The following NPAS3 variants were observed in gnomAD, a reference collection of about 807,000 sequenced individuals.
NPAS3 encodes the protein neuronal PAS domain protein 3, also known as neuronal PAS domain-containing protein 3.
NPAS3 carries 14 observed loss-of-function variants against 73.1 expected under a neutral mutation model. The observed-to-expected ratio is 0.19, with a 90% CI of 0.13 to 0.30. The LOEUF (loss-of-function observed/expected upper bound fraction) is 0.30, where lower values mean the gene tolerates loss of function less well. NPAS3 is among the 10% of genes least tolerant of loss of function. NPAS3 has a pLI of 1.00. For missense variants in NPAS3, 1,096 were observed against 1,250.0 expected (o/e 0.88, Z 1.86); for synonymous variants, 620 against 541.5 (o/e 1.14, Z -2.01).
chr14:33,204,083 A>G (rs886295885), intron 2 of NPAS3, among the ~76,000 whole-genome samples: 2 of 151,940 alleles, frequency 1.3e-5, no homozygotes, highest in Non-Finnish European at 2.9e-5. Flanking sequence ...GATGATGAGC[A>G]TTTTTTCATG....
At chr14:33,497,868 C>G (rs2139876921) in intron 4 of NPAS3, among the ~76,000 whole-genome samples, 1 of 146,548 alleles carries the variant, frequency 6.8e-6, no homozygotes, top group East Asian at 2.1e-4. Flanking sequence ...AACTAAAGAG[C>G]TCTACACAGC....
intron 4 of NPAS3, among the ~76,000 whole-genome samples, chr14:33,513,391 T>G (rs779695822): frequency 1.4e-4 from 22 of 152,066 alleles, no homozygotes; most frequent in Non-Finnish European, 2.5e-4. Context: ...ATAAAAGTGA[T>G]GATTTATTAA....
chr14:33,055,001 A>T (rs531682781), intron 1 of NPAS3, among the ~76,000 whole-genome samples: 27 of 152,328 alleles, frequency 1.8e-4, no homozygotes, highest in African/African-American at 6.3e-4. Flanking sequence ...CTTAGGGATT[A>T]GACATTATAC....
chr14:33,728,011 C>T (rs1595511537), intron 6 of NPAS3, among the ~76,000 whole-genome samples: 1 of 152,186 alleles, frequency 6.6e-6, no homozygotes, highest in African/African-American at 2.4e-5. Context: ...TGAACTTTCC[C>T]GTTGCTTAGT....
At chr14:33,175,425 G>T (rs931477534) in intron 2 of NPAS3, among the ~76,000 whole-genome samples, 2 of 152,044 alleles carry the variant, frequency 1.3e-5, no homozygotes, top group East Asian at 3.9e-4. Flanking sequence ...TTTGTGCAGA[G>T]AATTTTTTTA....
intron 3 of NPAS3, among the ~76,000 whole-genome samples, chr14:33,305,561 T>C (rs2042721430): frequency 6.6e-6 from 1 of 152,134 alleles, no homozygotes; most frequent in Non-Finnish European, 1.5e-5. Context: ...ACAAATCAAG[T>C]AAGTATTTTC....
chr14:33,264,985 A>G (rs1408403285), intron 3 of NPAS3, among the ~76,000 whole-genome samples: 2 of 152,212 alleles, frequency 1.3e-5, no homozygotes, highest in Non-Finnish European at 2.9e-5. Flanking sequence ...TTGAGGTAAT[A>G]TGGAAAAGAG....
intron 5 of NPAS3, among the ~76,000 whole-genome samples, chr14:33,655,465 G>C (rs1045580944): frequency 6.6e-6 from 1 of 151,502 alleles, no homozygotes; most frequent in Non-Finnish European, 1.5e-5. Context: ...CTGGCAGAAG[G>C]CAATTCATAT....
At chr14:33,572,618 G>T in intron 5 of NPAS3, among the ~76,000 whole-genome samples, 1 of 152,278 alleles carries the variant, frequency 6.6e-6, no homozygotes, top group Non-Finnish European at 1.5e-5. Context: ...TGTTAACCAG[G>T]AACGCTAGTT....
intron 4 of NPAS3, among the ~76,000 whole-genome samples, chr14:33,380,956 G>A (rs1370883410): frequency 6.6e-6 from 1 of 151,860 alleles, no homozygotes; most frequent in Admixed American, 6.6e-5. Context: ...ATCTGGTATA[G>A]AGATTAGACC....
intron 5 of NPAS3, among the ~76,000 whole-genome samples, chr14:33,655,093 A>G (rs1468493098): frequency 6.6e-6 from 1 of 152,226 alleles, no homozygotes; most frequent in Admixed American, 6.5e-5. Context: ...GAAGCAGAGT[A>G]GATAGATCTT....
chr14:33,506,864 G>A (rs951129985), intron 4 of NPAS3, among the ~76,000 whole-genome samples: 11 of 151,964 alleles, frequency 7.2e-5, no homozygotes, highest in South Asian at 2.1e-4. Flanking sequence ...ATTTTTCTCC[G>A]TACTGCTGAA....
chr14:33,420,245 G>A (rs548605035), intron 4 of NPAS3, among the ~76,000 whole-genome samples: 78 of 151,932 alleles, frequency 5.1e-4, no homozygotes, highest in African/African-American at 1.8e-3. Context: ...TTTGCATTTA[G>A]GCATTTCAAA....
At chr14:33,322,544 A>G (rs191212343) in intron 3 of NPAS3, among the ~76,000 whole-genome samples, 43 of 151,664 alleles carry the variant, frequency 2.8e-4, no homozygotes, top group African/African-American at 1.0e-3. Context: ...GAAGGTAAAC[A>G]TTGTTTTAAG....
intron 1 of NPAS3, among the ~76,000 whole-genome samples, chr14:33,055,119 A>G (rs2040842569): frequency 6.6e-6 from 1 of 152,202 alleles, no homozygotes; most frequent in South Asian, 2.1e-4. Flanking sequence ...TAGATTCTTT[A>G]AATACTTTTT....
chr14:33,102,741 A>G (rs112516479), intron 2 of NPAS3, among the ~76,000 whole-genome samples: 35 of 152,310 alleles, frequency 2.3e-4, no homozygotes, highest in African/African-American at 8.2e-4. Flanking sequence ...TGACTATGTG[A>G]ACAAGTGGCT....
At chr14:33,432,187 T>C (rs772991591) in intron 4 of NPAS3, among the ~76,000 whole-genome samples, 1 of 152,154 alleles carries the variant, frequency 6.6e-6, no homozygotes, top group Non-Finnish European at 1.5e-5. Context: ...TTGTCAACTG[T>C]AGTTTCTAAT....
intron 1 of NPAS3, among the ~76,000 whole-genome samples, chr14:33,008,148 A>G (rs886467655): frequency 3.9e-5 from 6 of 152,224 alleles, no homozygotes; most frequent in African/African-American, 1.4e-4. Context: ...TTACTGCAAC[A>G]TTATTTATAA....
intron 2 of NPAS3, among the ~76,000 whole-genome samples, chr14:33,059,170 G>A (rs1395157294): frequency 3.3e-5 from 5 of 152,130 alleles, no homozygotes; most frequent in Non-Finnish European, 4.4e-5. Context: ...GTACCAGCAT[G>A]TCATTGCTCA....
Sources: allele counts gnomAD v4.1 joint callset (sites outside exome capture counted in the v4.1 genomes callset), GRCh38; gene constraint gnomAD v4.1.1; transcripts MANE v1.5; gene names NCBI Gene and HGNC (gene_info 2026-07-23, HGNC 2026-07-21).